The following BCAR3 variants were observed in gnomAD, a reference collection of about 807,000 sequenced individuals.
BCAR3 encodes BCAR3 adaptor protein, NSP family member, also known as breast cancer anti-estrogen resistance protein 3.
Under a neutral mutation model 80.1 loss-of-function variants are expected in BCAR3, and 37 were observed. The observed-to-expected ratio is 0.46, with a 90% CI of 0.36 to 0.61. BCAR3 has a LOEUF of 0.61. Ranked by LOEUF, BCAR3 falls within the 20% of genes least tolerant of loss-of-function variation. The pLI, the probability that BCAR3 is intolerant of heterozygous loss-of-function variation, is 0.00. For synonymous variants in BCAR3, 389 were observed against 418.9 expected (o/e 0.93, Z 0.87); for missense variants, 978 against 1,068.2 (o/e 0.92, Z 1.18).
In BCAR3 at chr1:93,719,345, T is replaced by G. The variant is rs933593340; in HGVS notation, c.-62-13203A>C. On this transcript the variant is annotated intron_variant, in intron 2 of 13. Transcript: ENST00000370244. ...ATTTAAACTTTCTTGTTTTTTTTTT[T>G]TTTTTTTTTTTTTTGAGACAGAGTC... Among the ~76,000 whole-genome samples the G allele has an allele frequency of 4.5e-5, 6 of 132,922 alleles. No homozygotes were observed. In the East Asian group the frequency reaches 1.2e-3, roughly 28 times the overall value. The allele number at this position is 132,922 out of a possible 152,430, so 87.2% of individuals were successfully genotyped here.
chr1:93,662,121 G>A (rs1571019755), intron 2 of BCAR3, among the ~76,000 whole-genome samples: 1 of 152,238 alleles, frequency 6.6e-6, no homozygotes, highest in South Asian at 2.1e-4. Flanking sequence ...GCAGTCAGGG[G>A]CAGATTCACC....
chr1:93,610,461 A>G (rs1674914074), intron 3 of BCAR3, among the ~76,000 whole-genome samples: 1 of 152,186 alleles, frequency 6.6e-6, no homozygotes, highest in Non-Finnish European at 1.5e-5. Context: ...AAAAATTTAA[A>G]AGGGGTTACC....
chr1:93,660,416 G>A (rs1571017940), intron 2 of BCAR3, among the ~76,000 whole-genome samples: 1 of 152,268 alleles, frequency 6.6e-6, no homozygotes, highest in East Asian at 1.9e-4. Context: ...AAATACCAGG[G>A]AGAAACTTAA....
chr1:93,700,405 G>C (rs958415799), intron 3 of BCAR3, among the ~76,000 whole-genome samples: 1 of 152,142 alleles, frequency 6.6e-6, no homozygotes, highest in African/African-American at 2.4e-5. Context: ...GAGCTCAAGA[G>C]ATCTGCCTGC....
chr1:93,844,600 T>C (rs1170035112), intron 2 of BCAR3, among the ~76,000 whole-genome samples: 1 of 152,112 alleles, frequency 6.6e-6, no homozygotes, highest in African/African-American at 2.4e-5. Flanking sequence ...AACTAAATAC[T>C]CTTTTCATTT....
chr1:93,813,352 G>T (rs1242488077), intron 2 of BCAR3, among the ~76,000 whole-genome samples: 1 of 152,100 alleles, frequency 6.6e-6, no homozygotes, highest in Non-Finnish European at 1.5e-5. Flanking sequence ...TTACTAAAAA[G>T]AGGCCTCACC....
intron 2 of BCAR3, among the ~76,000 whole-genome samples, chr1:93,661,380 C>T (rs1647647852): frequency 6.6e-6 from 1 of 151,958 alleles, no homozygotes; most frequent in Non-Finnish European, 1.5e-5. Flanking sequence ...ATGGGTTTCA[C>T]CATGTTGACC....
chr1:93,694,974 G>A (rs1649335576), intron 3 of BCAR3, among the ~76,000 whole-genome samples: 4 of 152,216 alleles, frequency 2.6e-5, no homozygotes, highest in Admixed American at 2.6e-4. Context: ...CCTGGGCCTT[G>A]TTATTCCCTG....
In BCAR3 at chr1:93,570,686, T is replaced by C. The variant is rs1472792568; in HGVS notation, c.1974+984A>G. Among the ~76,000 whole-genome samples, 3 of 152,232 alleles carry C rather than the reference T, an allele frequency of 2.0e-5. No individual in the cohort carries two copies. In the East Asian group the frequency reaches 5.8e-4, roughly 29 times the overall value. ...ACCTGAGATAAACTATTCTAAGGAT[T>C]CTGATAGAAGCTCTGCAAATGTCTC... On this transcript the variant is annotated intron_variant, in intron 9 of 11. Transcript: ENST00000260502.
intron 2 of BCAR3, among the ~76,000 whole-genome samples, chr1:93,650,359 TG>T (rs1676284465): frequency 6.6e-6 from 1 of 152,270 alleles, no homozygotes; most frequent in Admixed American, 6.5e-5. Context: ...CACACCAACC[TG>T]GGCAACAGAG....
At chr1:93,621,705 T>C (rs1294695612) in intron 3 of BCAR3, among the ~76,000 whole-genome samples, 1 of 152,140 alleles carries the variant, frequency 6.6e-6, no homozygotes, top group Non-Finnish European at 1.5e-5. Context: ...TGTTTGCATG[T>C]AATACTTAGG....
chr1:93,623,474 T>C (rs1261873095), intron 3 of BCAR3, among the ~76,000 whole-genome samples: 6 of 152,118 alleles, frequency 3.9e-5, no homozygotes, highest in Admixed American at 3.3e-4. Flanking sequence ...CCTGAGACTT[T>C]TCAAACTAGG....
At chr1:93,634,824 T>C (rs1240637530) in intron 3 of BCAR3, among the ~76,000 whole-genome samples, 3 of 152,198 alleles carry the variant, frequency 2.0e-5, no homozygotes, top group Non-Finnish European at 2.9e-5. Context: ...TCCCCAGCCA[T>C]ATGGAACTGT....
chr1:93,784,795 A>T (rs1652883927), intron 2 of BCAR3, among the ~76,000 whole-genome samples: 1 of 152,238 alleles, frequency 6.6e-6, no homozygotes, highest in African/African-American at 2.4e-5. Context: ...ACAGTGGATG[A>T]ACACTGGGCA....
intron 2 of BCAR3, among the ~76,000 whole-genome samples, chr1:93,760,577 T>C (rs150704341): frequency 8.1e-4 from 122 of 150,540 alleles, no homozygotes; most frequent in African/African-American, 3.0e-3. Context: ...TAGATTTAGT[T>C]GCAAATGGTA....
At chr1:93,761,009 G>A (rs968519183) in intron 2 of BCAR3, among the ~76,000 whole-genome samples, 1 of 152,194 alleles carries the variant, frequency 6.6e-6, no homozygotes, top group Non-Finnish European at 1.5e-5. Flanking sequence ...TGGAAGAAGT[G>A]AGATGGGACA....
At chr1:93,846,655 T>C (rs988469519) in intron 1 of BCAR3, among the ~76,000 whole-genome samples, 2 of 151,658 alleles carry the variant, frequency 1.3e-5, no homozygotes, top group African/African-American at 2.4e-5. Flanking sequence ...GCGCGCGCCC[T>C]CCGACCACAT....
At chr1:93,600,121 T>A (rs1380388760) in intron 3 of BCAR3, among the ~76,000 whole-genome samples, 1 of 152,176 alleles carries the variant, frequency 6.6e-6, no homozygotes, top group East Asian at 1.9e-4. Flanking sequence ...CACACACATA[T>A]ACACAGAATC....
At chr1:93,662,144 T>C (rs1009854509) in intron 2 of BCAR3, among the ~76,000 whole-genome samples, 2 of 152,244 alleles carry the variant, frequency 1.3e-5, no homozygotes, top group Non-Finnish European at 2.9e-5. Context: ...CCATTTCTGA[T>C]GTCTAGAGTT....
Sources: allele counts gnomAD v4.1 joint callset (sites outside exome capture counted in the v4.1 genomes callset), GRCh38; gene constraint gnomAD v4.1.1; transcripts MANE v1.5; gene names NCBI Gene and HGNC (gene_info 2026-07-23, HGNC 2026-07-21).